The following SPAG16 variants were observed in gnomAD, a reference collection of about 807,000 sequenced individuals.
SPAG16 encodes sperm associated antigen 16.
A neutral mutation model predicts 80.4 loss-of-function variants in SPAG16; 86 were observed. The observed-to-expected ratio is 1.07, with a 90% CI of 0.90 to 1.28. SPAG16 has a LOEUF of 1.28. Among genes scored for constraint, SPAG16 ranks in the 50% most tolerant of loss-of-function variants. SPAG16 has a pLI of 0.00. For synonymous variants in SPAG16, 294 were observed against 265.9 expected (o/e 1.11, Z -1.03); for missense variants, 870 against 765.3 (o/e 1.14, Z -1.61).
intron 12 of SPAG16, among the ~76,000 whole-genome samples, chr2:213,952,134 A>G (rs72950732): frequency 0.15 from 22,210 of 152,158 alleles, 2,030 homozygotes; most frequent in Non-Finnish European, 0.21. Context: ...TCATCTTTAG[A>G]CTATAGATAA....
intron 4 of SPAG16, among the ~76,000 whole-genome samples, chr2:213,313,807 T>C (rs73987973): frequency 0.014 from 2,108 of 151,926 alleles, 44 homozygotes; most frequent in African/African-American, 0.047. Context: ...TGGTTCTAAG[T>C]GATAGTCGCG....
At chr2:213,463,189 GA>G (rs2072478637) in intron 9 of SPAG16, among the ~76,000 whole-genome samples, 1 of 152,192 alleles carries the variant, frequency 6.6e-6, no homozygotes, top group Non-Finnish European at 1.5e-5. Flanking sequence ...GATGATTTAG[GA>G]CATCTGGTGG....
chr2:214,339,938 T>C (rs1376763537), intron 15 of SPAG16, among the ~76,000 whole-genome samples: 1 of 152,168 alleles, frequency 6.6e-6, no homozygotes, highest in Non-Finnish European at 1.5e-5. Context: ...AGCACCTTAA[T>C]TGCAGCCACG....
intron 10 of SPAG16, among the ~76,000 whole-genome samples, chr2:213,854,313 G>T (rs2075053120): frequency 6.6e-6 from 1 of 152,170 alleles, no homozygotes; most frequent in Non-Finnish European, 1.5e-5. Context: ...TTACAAGGAA[G>T]TTCAATAATG....
chr2:214,090,189 A>C (rs920636846), intron 13 of SPAG16, among the ~76,000 whole-genome samples: 1 of 152,096 alleles, frequency 6.6e-6, no homozygotes, highest in Non-Finnish European at 1.5e-5. Flanking sequence ...AGAATGAACA[A>C]AGAGAAAGAA....
intron 15 of SPAG16, among the ~76,000 whole-genome samples, chr2:214,377,092 C>T (rs1453662919): frequency 6.6e-6 from 1 of 152,144 alleles, no homozygotes; most frequent in Non-Finnish European, 1.5e-5. Flanking sequence ...ATAGCCACTT[C>T]CTGTTGCTAT....
chr2:213,395,839 A>G (rs2068002319), intron 9 of SPAG16, among the ~76,000 whole-genome samples: 1 of 152,200 alleles, frequency 6.6e-6, no homozygotes, highest in African/African-American at 2.4e-5. Flanking sequence ...TTGCTTTACA[A>G]TTTTAAATAT....
chr2:213,309,741 C>T (rs2063105332), intron 3 of SPAG16, among the ~76,000 whole-genome samples: 1 of 152,062 alleles, frequency 6.6e-6, no homozygotes, highest in Admixed American at 6.6e-5. Flanking sequence ...ACTTGTCCTA[C>T]ACTTGGTTCT....
intron 10 of SPAG16, among the ~76,000 whole-genome samples, chr2:213,644,240 A>T (rs2062735527): frequency 6.6e-6 from 1 of 151,848 alleles, no homozygotes; most frequent in African/African-American, 2.4e-5. Flanking sequence ...AGAATTCTGA[A>T]TTCCTTCTCT....
chr2:213,318,572 C>T (rs915184240), intron 5 of SPAG16, among the ~76,000 whole-genome samples: 1 of 151,756 alleles, frequency 6.6e-6, no homozygotes, highest in Admixed American at 6.6e-5. Context: ...CACCAGAAAC[C>T]CAGACTTCAT....
At chr2:214,232,272 AGAGAG>A (rs1688750524) in intron 15 of SPAG16, among the ~76,000 whole-genome samples, 1 of 152,028 alleles carries the variant, frequency 6.6e-6, no homozygotes, top group Admixed American at 6.6e-5. Context: ...GAAATATCTC[AGAGAG>A]TATAGTATCT....
At chr2:213,458,301 C>T (rs1351848257) in intron 9 of SPAG16, among the ~76,000 whole-genome samples, 1 of 152,036 alleles carries the variant, frequency 6.6e-6, no homozygotes, top group East Asian at 1.9e-4. Context: ...GGTGCAGTGG[C>T]TCATGCCTGT....
chr2:214,138,713 A>G (rs2055191659), intron 14 of SPAG16, among the ~76,000 whole-genome samples: 1 of 152,162 alleles, frequency 6.6e-6, no homozygotes, highest in Non-Finnish European at 1.5e-5. Context: ...AAGGAAGATT[A>G]CACATGTATA....
chr2:213,979,682 G>A (rs549533148), intron 12 of SPAG16, among the ~76,000 whole-genome samples: 1 of 152,176 alleles, frequency 6.6e-6, no homozygotes, highest in African/African-American at 2.4e-5. Context: ...GACACGTGGG[G>A]ATAATGGAGA....
intron 11 of SPAG16, among the ~76,000 whole-genome samples, chr2:213,863,558 A>G (rs1405645884): frequency 6.6e-6 from 1 of 152,108 alleles, no homozygotes; most frequent in South Asian, 2.1e-4. Context: ...ATTTATCTTT[A>G]GTACTAGATG....
chr2:214,072,802 A>G (rs2050853303), intron 13 of SPAG16, among the ~76,000 whole-genome samples: 1 of 152,192 alleles, frequency 6.6e-6, no homozygotes, highest in South Asian at 2.1e-4. Context: ...TTAAAAATAA[A>G]AATGTAATGT....
intron 4 of SPAG16, among the ~76,000 whole-genome samples, chr2:213,311,716 T>C (rs2063193394): frequency 6.6e-6 from 1 of 151,624 alleles, no homozygotes; most frequent in South Asian, 2.1e-4. Context: ...CCTTATTTCA[T>C]ATGAAACATT....
At chr2:213,458,527 G>A (rs13030454) in intron 9 of SPAG16, among the ~76,000 whole-genome samples, 32,080 of 152,108 alleles carry the variant, frequency 0.21, 3,993 homozygotes, top group Middle Eastern at 0.34. Flanking sequence ...AGCTGAGATC[G>A]CGCCGCTGCA....
At chr2:213,726,163 G>T (rs953393872) in intron 10 of SPAG16, among the ~76,000 whole-genome samples, 2 of 152,226 alleles carry the variant, frequency 1.3e-5, no homozygotes, top group East Asian at 3.8e-4. Flanking sequence ...GTCCAGAAAT[G>T]ATGGGGCATT....
Sources: allele counts gnomAD v4.1 joint callset (sites outside exome capture counted in the v4.1 genomes callset), GRCh38; gene constraint gnomAD v4.1.1; transcripts MANE v1.5; gene names NCBI Gene and HGNC (gene_info 2026-07-23, HGNC 2026-07-21).